LDLRAD4: variants seen among roughly 807,000 people sequenced by gnomAD.
The protein encoded by LDLRAD4 is low density lipoprotein receptor class A domain containing 4.
In LDLRAD4, 5 loss-of-function variants were observed where a neutral mutation model predicts 17.0. The observed-to-expected ratio is 0.29, with a 90% CI of 0.15 to 0.62. LDLRAD4 has a LOEUF of 0.62. Ranked by LOEUF, LDLRAD4 falls within the 20% of genes least tolerant of loss-of-function variation. The probability of loss-of-function intolerance (pLI) is 0.84; values close to 1 mark genes in which losing one functional copy is unlikely to be tolerated. For missense variants in LDLRAD4, 340 were observed against 424.7 expected, an observed-to-expected ratio of 0.80 and a Z score of 1.75; for synonymous variants, 168 against 171.8, an observed-to-expected ratio of 0.98 and a Z score of 0.17.
chr18:13,376,178 G>C (rs1314730653), intron 1 of LDLRAD4, among the ~76,000 whole-genome samples: 2 of 152,160 alleles, frequency 1.3e-5, no homozygotes, highest in African/African-American at 4.8e-5. Context: ...ACTGGCCTCT[G>C]TCTGAAGAAA....
At chr18:13,514,532 C>T (rs1468623649) in intron 3 of LDLRAD4, 2 of 152,236 alleles carry the variant, frequency 1.3e-5, no homozygotes, top group Non-Finnish European at 2.9e-5. Flanking sequence ...CAAATAGAGA[C>T]AGACGAGGTA....
chr18:13,362,614 G>A (rs1042512456), intron 1 of LDLRAD4: 4 of 152,200 alleles, frequency 2.6e-5, no homozygotes, highest in Non-Finnish European at 5.9e-5. Context: ...ATCTTAGAAG[G>A]CAAATTGAAT....
chr18:13,621,268 G>A lies in LDLRAD4; in HGVS notation c.333G>A (p.Pro111=), dbSNP rs147949233. The change falls in exon 4 of 6, where the codon CCG becomes CCA. Residue 111 remains proline (P), a synonymous_variant. Coordinates refer to ENST00000359446, the Ensembl canonical transcript of LDLRAD4. The surrounding 1 kb of genome is among the most constrained non-coding windows in gnomAD (Gnocchi z 5.5). ...GCCGGAGGCGGGAGGACGGGCTGCCGCAGGTGAGTACCCTGGCCGCCCCGG... is the reference window on the plus strand; with the variant it reads ...GCCGGAGGCGGGAGGACGGGCTGCCACAGGTGAGTACCCTGGCCGCCCCGG... 3.5e-5 allele frequency: 56 copies of A among 1,611,258 alleles called. No homozygotes were observed. Among genetic ancestry groups the A allele is most frequent in the East Asian group, 4.5e-5 (2 of 44,890 alleles).
At chr18:13,437,831 C>A (rs529050355) in intron 2 of LDLRAD4, among the ~76,000 whole-genome samples, 1 of 152,216 alleles carries the variant, frequency 6.6e-6, no homozygotes, top group African/African-American at 2.4e-5. Context: ...GTTCTGATGG[C>A]CCCTGCCACG....
At chr18:13,526,769 A>G (rs2094038653) in intron 3 of LDLRAD4, 1 of 152,154 alleles carries the variant, frequency 6.6e-6, no homozygotes, top group Non-Finnish European at 1.5e-5. Flanking sequence ...TGGGCCTCAA[A>G]GAGGACAGGA....
At chr18:13,273,648 C>G (rs1195570445), upstream of LDLRAD4, among the ~76,000 whole-genome samples, 1 of 152,162 alleles carries the variant, frequency 6.6e-6, no homozygotes, top group African/African-American at 2.4e-5. Flanking sequence ...GGAGTGAGTC[C>G]TGCTCCCCAG....
intron 2 of LDLRAD4, among the ~76,000 whole-genome samples, chr18:13,434,079 G>C (rs1295408410): frequency 6.6e-6 from 1 of 152,176 alleles, no homozygotes; most frequent in Admixed American, 6.5e-5. Context: ...TCAGCATTAA[G>C]ATTTGATGAC....
At chr18:13,433,937 T>A (rs2090498883) in intron 2 of LDLRAD4, among the ~76,000 whole-genome samples, 1 of 152,216 alleles carries the variant, frequency 6.6e-6, no homozygotes, top group Non-Finnish European at 1.5e-5. Flanking sequence ...TTCCTCTCGA[T>A]CCGATGGAAA....
At chr18:13,642,360 G>T in intron 4 of LDLRAD4, 1 of 1,017,838 alleles carries the variant, frequency 9.8e-7, no homozygotes, top group Non-Finnish European at 1.2e-6. Context: ...GGACCCTGCT[G>T]ACAGCCACAC....
intron 3 of LDLRAD4, chr18:13,612,270 G>T: frequency 1.0e-6 from 1 of 1,002,958 alleles, no homozygotes; most frequent in Non-Finnish European, 1.2e-6. Flanking sequence ...CCAGGTGTGA[G>T]GCCAAACCTG....
chr18:13,610,263 T>C (rs928575937), intron 3 of LDLRAD4, among the ~76,000 whole-genome samples: 6 of 130,738 alleles, frequency 4.6e-5, no homozygotes, highest in African/African-American at 1.7e-4. Flanking sequence ...ACCAAAGCCC[T>C]AATTTTTTTT....
At chr18:13,301,070 C>T (rs912414464) in intron 1 of LDLRAD4, among the ~76,000 whole-genome samples, 9 of 148,246 alleles carry the variant, frequency 6.1e-5, no homozygotes, top group African/African-American at 1.8e-4. Context: ...CCGAACTGGC[C>T]GGGGTGTCCG....
At chr18:13,636,075 G>C (rs775413784) in intron 4 of LDLRAD4, among the ~76,000 whole-genome samples, 11 of 152,090 alleles carry the variant, frequency 7.2e-5, no homozygotes, top group Non-Finnish European at 1.2e-4. Flanking sequence ...AGACCCCAAA[G>C]AAAAATGTTC....
At chr18:13,247,457 C>G (rs1370919247) in intron 1 of LDLRAD4, among the ~76,000 whole-genome samples, 4 of 152,184 alleles carry the variant, frequency 2.6e-5, no homozygotes, top group African/African-American at 9.7e-5. Flanking sequence ...CAGGTGCAGT[C>G]CAGGATGCCA....
chr18:13,588,653 G>A (rs2094966710), intron 3 of LDLRAD4, among the ~76,000 whole-genome samples: 1 of 152,024 alleles, frequency 6.6e-6, no homozygotes, highest in African/African-American at 2.4e-5. Flanking sequence ...TACTCGCCGG[G>A]TGTTTTTGTA....
At chr18:13,472,935 A>G (rs1031367399) in intron 3 of LDLRAD4, among the ~76,000 whole-genome samples, 1 of 152,212 alleles carries the variant, frequency 6.6e-6, no homozygotes, top group African/African-American at 2.4e-5. Context: ...CAAACGTTAG[A>G]AGATAGTGTT....
intron 3 of LDLRAD4, chr18:13,470,649 G>A: frequency 6.6e-6 from 1 of 150,626 alleles, no homozygotes; most frequent in Non-Finnish European, 1.5e-5. Context: ...ATGTGTTGCG[G>A]GAAGTGGATC....
At chr18:13,352,637 A>T (rs2144439114) in intron 1 of LDLRAD4, among the ~76,000 whole-genome samples, 1 of 152,226 alleles carries the variant, frequency 6.6e-6, no homozygotes, top group Non-Finnish European at 1.5e-5. Flanking sequence ...CTCAAAGTTG[A>T]GACATTTTCT....
intron 3 of LDLRAD4, among the ~76,000 whole-genome samples, chr18:13,602,272 C>G (rs1281447801): frequency 6.6e-6 from 1 of 152,050 alleles, no homozygotes; most frequent in Non-Finnish European, 1.5e-5. Flanking sequence ...TGCAGTATAA[C>G]CTTGTATCAA....
Sources: gnomAD v4.1 joint callset for allele counts (sites outside exome capture counted in the v4.1 genomes callset) on GRCh38, gnomAD v4.1.1 for gene constraint, Gnocchi (gnomAD v3.1) non-coding constraint, MANE v1.5 for transcripts, NCBI Gene and HGNC (gene_info 2026-07-23, HGNC 2026-07-21) for gene names.